The following RAB6A variants were observed in gnomAD, a reference collection of about 807,000 sequenced individuals.
The protein encoded by RAB6A is ras-related protein Rab-6A.
Under a neutral mutation model 32.3 loss-of-function variants are expected in RAB6A, and 8 were observed. The observed-to-expected ratio is 0.25, with a 90% CI of 0.15 to 0.45. RAB6A has a LOEUF of 0.45. Among genes scored for constraint, RAB6A ranks in the 20% least tolerant of loss-of-function variants. The probability of loss-of-function intolerance (pLI) is 1.00; values close to 1 mark genes in which losing one functional copy is unlikely to be tolerated. For synonymous variants in RAB6A, 73 were observed against 82.1 expected, an observed-to-expected ratio of 0.89 and a Z score of 0.60; for missense variants, 104 against 249.4, an observed-to-expected ratio of 0.42 and a Z score of 3.93.
chr11:73,715,014 T>C (rs1233165919), intron 5 of RAB6A, among the ~76,000 whole-genome samples: 1 of 152,152 alleles, frequency 6.6e-6, no homozygotes, highest in African/African-American at 2.4e-5. Flanking sequence ...ATAAATAAAA[T>C]AGTGAAAATT....
intron 6 of RAB6A, among the ~76,000 whole-genome samples, chr11:73,702,420 C>T (rs571360507): frequency 8.5e-5 from 13 of 152,342 alleles, no homozygotes; most frequent in Middle Eastern, 6.8e-3. Context: ...GATCCTCCCA[C>T]ATCCACCTCC....
At chr11:73,690,654 G>A (rs566669618) in intron 6 of RAB6A, among the ~76,000 whole-genome samples, 41 of 149,320 alleles carry the variant, frequency 2.7e-4, no homozygotes, top group Middle Eastern at 3.5e-3. Context: ...AAGAGACACC[G>A]GAGGGTGGTA....
Position 73,727,420 on chromosome 11 carries a change from T to C in RAB6A, c.129+3345A>G, listed in dbSNP as rs202008259. Among the ~76,000 whole-genome samples the C allele has an allele frequency of 5.2e-4, 74 of 141,738 alleles. 1 individual carries two copies. In the East Asian group the frequency reaches 0.015, roughly 29 times the overall value. The allele number at this position is 141,738 out of a possible 152,430, so 93.0% of individuals were successfully genotyped here. ...CAGCCTGGGCGACAAAGCAATACTC[T>C]ATCTCTTGGAAAAAAAAAAAAAGAA... On this transcript the variant is annotated intron_variant, in intron 2 of 7. Coordinates refer to ENST00000336083, the MANE Select transcript of RAB6A (RefSeq NM_198896.2).
intron 6 of RAB6A, among the ~76,000 whole-genome samples, chr11:73,695,379 G>GTTTTTTTTTTTTTTTTTTTTT (rs71469463): frequency 6.8e-6 from 1 of 147,180 alleles, no homozygotes. Flanking sequence ...CAGTTTTTTT[G>GTTTTTTTTTTTTTTTTTTTTT]TTTTTTTTTT....
chr11:73,754,745 C>G (rs1163531980), intron 1 of RAB6A, among the ~76,000 whole-genome samples: 1 of 151,994 alleles, frequency 6.6e-6, no homozygotes, highest in Non-Finnish European at 1.5e-5. Flanking sequence ...ATAGCAAAAC[C>G]CTGTCTCTAC....
intron 1 of RAB6A, among the ~76,000 whole-genome samples, chr11:73,754,941 TG>T (rs1946724323): frequency 6.6e-6 from 1 of 151,902 alleles, no homozygotes; most frequent in African/African-American, 2.4e-5. Flanking sequence ...ATTATTTTTT[TG>T]AGATGGAGTT....
At chr11:73,760,519 G>A in intron 1 of RAB6A, 47 bp downstream of exon 1, 1 of 1,559,076 alleles carries the variant, frequency 6.4e-7, no homozygotes, top group Non-Finnish European at 8.7e-7. Context: ...GGGGCGGTGC[G>A]GGGACGCTGC....
intron 4 of RAB6A, among the ~76,000 whole-genome samples, chr11:73,717,816 A>G (rs1332176028): frequency 1.3e-5 from 2 of 152,216 alleles, no homozygotes; most frequent in African/African-American, 2.4e-5. Flanking sequence ...TGGTTTTCCT[A>G]TAAGTTATGA....
At chr11:73,684,552 A>G in intron 6 of RAB6A, among the ~76,000 whole-genome samples, 1 of 152,254 alleles carries the variant, frequency 6.6e-6, no homozygotes, top group Middle Eastern at 3.2e-3. Context: ...ATTGGAAACC[A>G]GAAAATTCAT....
Position 73,694,708 on chromosome 11 carries a change from G to A in RAB6A, c.495+12712C>T, listed in dbSNP as rs544767634. Among the ~76,000 whole-genome samples the A allele has an allele frequency of 8.7e-4, 133 of 152,194 alleles. No individual in the cohort carries two copies. In the Middle Eastern group the frequency reaches 0.017, roughly 19 times the overall value. On this transcript the variant is annotated intron_variant, in intron 6 of 7. Transcript: ENST00000336083. ...GGAATAAGGAGATCCTGTCTCTACA[G>A]AAAATTAATTTAAAAATATACCAGG...
intron 6 of RAB6A, among the ~76,000 whole-genome samples, chr11:73,683,021 G>A (rs1032508945): frequency 2.0e-5 from 3 of 152,018 alleles, no homozygotes; most frequent in African/African-American, 7.2e-5. Context: ...GGGTATGAAG[G>A]AAAACATATT....
At chr11:73,713,623 T>C (rs974183010) in intron 5 of RAB6A, among the ~76,000 whole-genome samples, 6 of 152,062 alleles carry the variant, frequency 3.9e-5, no homozygotes, top group Middle Eastern at 3.4e-3. Flanking sequence ...TCATAGTCAA[T>C]CTAATAGGAG....
chr11:73,739,558 T>A (rs1198779402), intron 1 of RAB6A, among the ~76,000 whole-genome samples: 1 of 151,464 alleles, frequency 6.6e-6, no homozygotes, highest in African/African-American at 2.4e-5. Flanking sequence ...CTCACTGCAG[T>A]GCCAAGTCCT....
chr11:73,711,980 C>G (rs756108330), intron 5 of RAB6A, among the ~76,000 whole-genome samples: 8 of 152,134 alleles, frequency 5.3e-5, no homozygotes, highest in Non-Finnish European at 7.4e-5. Flanking sequence ...TTTTTCTTCT[C>G]TATTTTTAGA....
At chr11:73,729,661 TTGC>T (rs1460265068) in intron 2 of RAB6A, 1 of 152,244 alleles carries the variant, frequency 6.6e-6, no homozygotes, top group Non-Finnish European at 1.5e-5. Context: ...ATCAGGGTCC[TTGC>T]TGACACTGGA....
intron 1 of RAB6A, among the ~76,000 whole-genome samples, chr11:73,758,826 T>C (rs1473333696): frequency 6.6e-6 from 1 of 152,176 alleles, no homozygotes; most frequent in Non-Finnish European, 1.5e-5. Flanking sequence ...ATATTTTATG[T>C]TTGGGAACTA....
intron 1 of RAB6A, among the ~76,000 whole-genome samples, chr11:73,731,624 G>A (rs1946302470): frequency 6.9e-6 from 1 of 144,494 alleles, no homozygotes; most frequent in South Asian, 2.2e-4. Context: ...CTACTTCTCT[G>A]GCAAAGAATT....
chr11:73,708,826 T>C (rs1270668399), intron 5 of RAB6A, among the ~76,000 whole-genome samples: 1 of 152,184 alleles, frequency 6.6e-6, no homozygotes, highest in Non-Finnish European at 1.5e-5. Context: ...CTACCTCTAG[T>C]CCTATTACTA....
At chr11:73,752,296 A>C (rs927004519) in intron 1 of RAB6A, among the ~76,000 whole-genome samples, 3 of 152,152 alleles carry the variant, frequency 2.0e-5, no homozygotes, top group Non-Finnish European at 4.4e-5. Flanking sequence ...TCTCTACTAA[A>C]AATACAAAAA....
Sources: allele counts gnomAD v4.1 joint callset (sites outside exome capture counted in the v4.1 genomes callset), GRCh38; gene constraint gnomAD v4.1.1; transcripts MANE v1.5; gene names NCBI Gene and HGNC (gene_info 2026-07-23, HGNC 2026-07-21).